KSR2: variants seen among roughly 807,000 people sequenced by gnomAD.
KSR2 encodes the protein kinase suppressor of ras 2.
Under a neutral mutation model 107.8 loss-of-function variants are expected in KSR2, and 25 were observed. The ratio of observed to expected loss-of-function variants is 0.23; its 90% CI spans 0.17 to 0.32. The LOEUF is 0.32. Among genes scored for constraint, KSR2 ranks in the 10% least tolerant of loss-of-function variants. The pLI is 1.00. For missense variants in KSR2, 887 were observed against 1,268.9 expected (o/e 0.70, Z 4.57); for synonymous variants, 480 against 507.0 (o/e 0.95, Z 0.71).
At chr12:117,701,212 C>T (rs1384883660) in intron 4 of KSR2, among the ~76,000 whole-genome samples, 3 of 152,206 alleles carry the variant, frequency 2.0e-5, no homozygotes, top group Non-Finnish European at 4.4e-5. Context: ...CCTGCCTCAG[C>T]TTCTCACCTA....
chr12:117,718,110 T>C (rs1008263811), intron 4 of KSR2, among the ~76,000 whole-genome samples: 2 of 152,220 alleles, frequency 1.3e-5, no homozygotes, highest in Non-Finnish European at 2.9e-5. Context: ...ATTTAAACAC[T>C]TAGAAAGAGA....
chr12:117,895,107 TGTGCC>T (rs1894471471), intron 1 of KSR2, among the ~76,000 whole-genome samples: 5 of 151,988 alleles, frequency 3.3e-5, no homozygotes, highest in African/African-American at 1.2e-4. Flanking sequence ...GGCACAAACC[TGTGCC>T]TGTAGTTCCA....
At chr12:117,774,190 GACCTCCCGA>G (rs1889606850) in intron 3 of KSR2, among the ~76,000 whole-genome samples, 1 of 152,108 alleles carries the variant, frequency 6.6e-6, no homozygotes, top group Non-Finnish European at 1.5e-5. Context: ...AGCTCCTTCT[GACCTCCCGA>G]AAGTCAAATA....
At chr12:117,929,793 G>A (rs893843655) in intron 1 of KSR2, among the ~76,000 whole-genome samples, 5 of 152,118 alleles carry the variant, frequency 3.3e-5, no homozygotes, top group Non-Finnish European at 7.4e-5. Flanking sequence ...ATTCACAAGA[G>A]GTACCTACAA....
chr12:117,790,553 A>G (rs61937746), intron 3 of KSR2, among the ~76,000 whole-genome samples: 18,422 of 152,216 alleles, frequency 0.12, 1,837 homozygotes, highest in African/African-American at 0.27. Context: ...ACCCATTTAC[A>G]TTGCCAGGGT....
intron 4 of KSR2, among the ~76,000 whole-genome samples, chr12:117,753,320 G>T (rs1888673208): frequency 6.6e-6 from 1 of 152,096 alleles, no homozygotes; most frequent in Non-Finnish European, 1.5e-5. Flanking sequence ...TGAAGGAGAG[G>T]CATAAACTAT....
intron 3 of KSR2, among the ~76,000 whole-genome samples, chr12:117,834,515 T>G (rs925706261): frequency 6.6e-6 from 1 of 151,758 alleles, no homozygotes; most frequent in African/African-American, 2.4e-5. Flanking sequence ...AGATTGGAGA[T>G]TTGGCATTTG....
chr12:117,764,717 T>C (rs1889165202), intron 3 of KSR2, among the ~76,000 whole-genome samples: 1 of 151,944 alleles, frequency 6.6e-6, no homozygotes, highest in South Asian at 2.1e-4. Flanking sequence ...AACGCTGGAG[T>C]CGGATGACTT....
At chr12:117,896,507 T>C (rs1463675948) in intron 1 of KSR2, among the ~76,000 whole-genome samples, 1 of 150,698 alleles carries the variant, frequency 6.6e-6, no homozygotes, top group Non-Finnish European at 1.5e-5. Context: ...TTGCCCAGGC[T>C]AGAATGCAAT....
In KSR2 at chr12:117,842,164, T is replaced by C. The variant is rs1008513427; in HGVS notation, c.472+13264A>G. Among the ~76,000 whole-genome samples, 28 of 152,254 alleles carry C rather than the reference T, an allele frequency of 1.8e-4. No individual in the cohort carries two copies. Among genetic ancestry groups the C allele is most frequent in the Non-Finnish European group, 4.4e-5 (3 of 68,044 alleles). On this transcript the variant is annotated intron_variant, in intron 3 of 19. Transcript: ENST00000339824. The surrounding 1 kb of genome is among the most constrained non-coding windows in gnomAD (Gnocchi z 4.2). The stretch of plus-strand genomic sequence containing the variant: ...AGTGGAACCCTCTGGGGGATTCTGA[T>C]ACATGTTGAGGTTTTGAGCACCACT...
chr12:117,831,018 A>G (rs1891942549), intron 3 of KSR2, among the ~76,000 whole-genome samples: 1 of 152,148 alleles, frequency 6.6e-6, no homozygotes, highest in Non-Finnish European at 1.5e-5. Context: ...CCCAGATCCA[A>G]CTTCCTCCAT....
At chr12:117,852,654 C>G (rs2137212708) in intron 3 of KSR2, among the ~76,000 whole-genome samples, 1 of 152,272 alleles carries the variant, frequency 6.6e-6, no homozygotes, top group Admixed American at 6.5e-5. Flanking sequence ...AGTAGTGCCT[C>G]CCGGATGAGA....
At position 117,775,048 on chromosome 12, in the gene KSR2, A is replaced by T. The variant is rs889789109; in HGVS notation, c.473-13524T>A. On this transcript the variant is annotated intron_variant, in intron 3 of 19. Transcript: ENST00000339824. Reference sequence around the variant, plus strand: ...TGTATACACCACATTTTGTTTAAGCATTCCTCAGCTGATGGACATTTAAGT... The same window carrying T: ...TGTATACACCACATTTTGTTTAAGCTTTCCTCAGCTGATGGACATTTAAGT... Among the ~76,000 whole-genome samples, 4 of 152,210 alleles carry T rather than the reference A, an allele frequency of 2.6e-5. No individual in the cohort carries two copies. In the East Asian group the frequency reaches 7.7e-4, roughly 29 times the overall value.
At chr12:117,606,606 T>C (rs1427991258) in intron 5 of KSR2, among the ~76,000 whole-genome samples, 1 of 95,124 alleles carries the variant, frequency 1.1e-5, no homozygotes, top group Non-Finnish European at 2.2e-5. Flanking sequence ...CTTTCCTCCT[T>C]CCTTCCTTCC....
At chr12:117,803,958 C>T (rs796468522) in intron 3 of KSR2, among the ~76,000 whole-genome samples, 41 of 152,306 alleles carry the variant, frequency 2.7e-4, no homozygotes, top group African/African-American at 9.4e-4. Flanking sequence ...GTTATCTTTC[C>T]ACCGTATAAG....
chr12:117,777,175 C>CTATATATATATATATA (rs56862811), intron 3 of KSR2, among the ~76,000 whole-genome samples: 138 of 136,794 alleles, frequency 1.0e-3, no homozygotes, highest in African/African-American at 3.7e-3. Context: ...CATATATACA[C>CTATATATATATATATA]TATATATATA....
intron 5 of KSR2, among the ~76,000 whole-genome samples, chr12:117,602,072 G>A (rs1721848349): frequency 6.6e-6 from 1 of 152,128 alleles, no homozygotes; most frequent in African/African-American, 2.4e-5. Context: ...TGCATTTACG[G>A]CCACTAAAAT....
chr12:117,939,945 AC>A (rs1208675773), intron 1 of KSR2, among the ~76,000 whole-genome samples: 15 of 3,888 alleles, frequency 3.9e-3, no homozygotes, highest in Middle Eastern at 0.083. Context: ...CATCTTAAAA[AC>A]ACACACACAC....
chr12:117,965,473 T>C (rs1896758265), intron 1 of KSR2, among the ~76,000 whole-genome samples: 2 of 152,198 alleles, frequency 1.3e-5, no homozygotes, highest in African/African-American at 4.8e-5. Flanking sequence ...CACATACACA[T>C]TATTATATCA....
Sources: gnomAD v4.1 joint callset for allele counts (sites outside exome capture counted in the v4.1 genomes callset) on GRCh38, gnomAD v4.1.1 for gene constraint, Gnocchi (gnomAD v3.1) non-coding constraint, MANE v1.5 for transcripts, NCBI Gene and HGNC (gene_info 2026-07-23, HGNC 2026-07-21) for gene names.